TMEM65: variants seen among roughly 807,000 people sequenced by gnomAD.
TMEM65 encodes transmembrane protein 65.
TMEM65 carries 22 observed loss-of-function variants against 25.4 expected under a neutral mutation model. The observed-to-expected ratio is 0.86, with a 90% CI of 0.62 to 1.23. TMEM65 has a LOEUF of 1.23. Among genes scored for constraint, TMEM65 ranks in the 50% most tolerant of loss-of-function variants. The probability of loss-of-function intolerance (pLI) is 0.00; values close to 1 mark genes in which losing one functional copy is unlikely to be tolerated. For synonymous variants in TMEM65, 132 were observed against 126.2 expected (o/e 1.05, Z -0.31); for missense variants, 262 against 308.2 (o/e 0.85, Z 1.12).
intron 5 of TMEM65, among the ~76,000 whole-genome samples, chr8:124,320,713 C>T (rs1208898131): frequency 1.3e-5 from 2 of 152,078 alleles, no homozygotes; most frequent in East Asian, 3.9e-4. Flanking sequence ...TTCTAAGTTG[C>T]CATCATTTAT....
At chr8:124,320,973 G>A (rs1319676830) in intron 5 of TMEM65, among the ~76,000 whole-genome samples, 1 of 151,992 alleles carries the variant, frequency 6.6e-6, no homozygotes, top group Non-Finnish European at 1.5e-5. Flanking sequence ...GCAATATATA[G>A]CTAAATGGCT....
At chr8:124,333,165 T>G (rs1045824126) in intron 1 of TMEM65, among the ~76,000 whole-genome samples, 1 of 145,642 alleles carries the variant, frequency 6.9e-6, no homozygotes, top group Non-Finnish European at 1.5e-5. Flanking sequence ...AAAACATACA[T>G]CAGAAGTAAA....
At chr8:124,351,886 T>C (rs529364853) in intron 1 of TMEM65, among the ~76,000 whole-genome samples, 2 of 152,368 alleles carry the variant, frequency 1.3e-5, no homozygotes, top group South Asian at 4.1e-4. Context: ...CTTCCCAGAA[T>C]TTCACTTCAG....
At chr8:124,363,933 A>G (rs1310317021) in intron 1 of TMEM65, among the ~76,000 whole-genome samples, 4 of 150,852 alleles carry the variant, frequency 2.7e-5, no homozygotes, top group African/African-American at 4.9e-5. Context: ...GAGCAATTCT[A>G]TTATCTAGTA....
In TMEM65 at chr8:124,327,397, A is replaced by T. The variant is rs1814377755; in HGVS notation, c.374T>A (p.Phe125Tyr). Residue 125 changes from phenylalanine to tyrosine, a missense_variant, in exon 3 of 7, where the codon TTC (phenylalanine) becomes TAC (tyrosine). Transcript: ENST00000297632. The part of the protein sequence containing the change: ...RYVFIHNAIP[F>Y]IGFGFLDNAI... ...ATTATCCAAAAAGCCAAACCCTATG[A>T]AAGGTATCGCATTGTGGATGAATAC... is the stretch of plus-strand genomic sequence containing the variant. 1.2e-6 allele frequency: 2 copies of T among 1,602,070 alleles called. No homozygotes were observed. The highest frequency in any genetic ancestry group is 1.7e-6 in the Non-Finnish European group (2 of 1,174,940).
chr8:124,338,326 G>C (rs1477392747), intron 1 of TMEM65, among the ~76,000 whole-genome samples: 1 of 146,648 alleles, frequency 6.8e-6, no homozygotes, highest in African/African-American at 2.4e-5. Flanking sequence ...ATTTTGCACT[G>C]CTCTGAAAAT....
chr8:124,336,782 A>T (rs1172057280), intron 1 of TMEM65, among the ~76,000 whole-genome samples: 1 of 151,938 alleles, frequency 6.6e-6, no homozygotes. Context: ...AGCAAAGTAA[A>T]CATAAACTAA....
rs1260680663 is a variant in TMEM65 at position 124,311,802 on chromosome 8, T to C, written c.*2158A>G. The C allele has an allele frequency of 6.6e-6, 1 of 152,164 alleles. No homozygotes were observed. The highest frequency in any genetic ancestry group is 2.4e-5 in the African/African-American group (1 of 41,442). 9.4% of individuals were successfully genotyped at this position (152,164 alleles called of 1,614,324 possible). A position where few individuals can be genotyped will look rare whatever the true frequency, so the allele number is the denominator to read the frequency against. On this transcript the variant is annotated 3_prime_UTR_variant, in exon 7 of 7. Transcript: ENST00000297632. ...ACAAATGGTCTCCATTTTTTGAAAA[T>C]TACCTGAATGATTCAAATTTTTATT...
chr8:124,339,032 T>C (rs1375579158), intron 1 of TMEM65, among the ~76,000 whole-genome samples: 4 of 150,424 alleles, frequency 2.7e-5, no homozygotes, highest in African/African-American at 9.8e-5. Flanking sequence ...CTACTAAAAA[T>C]ACAAAAATTA....
chr8:124,320,033 G>T, intron 6 of TMEM65, 53 bp downstream of exon 6: 1 of 1,447,176 alleles, frequency 6.9e-7, no homozygotes, highest in Non-Finnish European at 9.6e-7. Context: ...GAACTATACA[G>T]AATCTTGCTC....
chr8:124,351,481 G>GA (rs561263327), intron 1 of TMEM65, among the ~76,000 whole-genome samples: 39 of 152,112 alleles, frequency 2.6e-4, no homozygotes, highest in Middle Eastern at 6.8e-3. Context: ...TGTTTCTTTG[G>GA]AAAAAACTTA....
Position 124,308,671 on chromosome 8 carries a change from C to G in TMEM65, c.*5289G>C, listed in dbSNP as rs1814122627. The G allele has an allele frequency of 6.6e-6, 1 of 152,084 alleles. No individual in the cohort carries two copies. The highest frequency in any genetic ancestry group is 2.4e-5 in the African/African-American group (1 of 41,412). The allele number at this position is 152,084 out of a possible 1,614,324, so 9.4% of individuals were successfully genotyped here. On this transcript the variant is annotated 3_prime_UTR_variant, in exon 7 of 7. Transcript: ENST00000297632. The stretch of plus-strand genomic sequence containing the variant: ...AAAGCTAAGCAATTCAAAAGCTTAG[C>G]TTTTGGAGATGAGTGCCTCTGAATC...
chr8:124,319,163 CCTAT>C (rs1271759828), intron 6 of TMEM65, among the ~76,000 whole-genome samples: 1 of 152,092 alleles, frequency 6.6e-6, no homozygotes, highest in African/African-American at 2.4e-5. Flanking sequence ...CTAACTCTGA[CCTAT>C]CTAACTCTTG....
chr8:124,313,087 CCT>C lies in TMEM65; in HGVS notation c.*871_*872del. On this transcript the variant is annotated 3_prime_UTR_variant, in exon 7 of 7. Coordinates refer to ENST00000297632, the MANE Select transcript of TMEM65 (RefSeq NM_194291.3). ...CCTTCTTGACAGTTCCTATTTTCCA[CCT>C]TTTTTTAAAAAAAGCTTTAGTCTCT... The C allele has an allele frequency of 6.6e-6, 1 of 151,906 alleles. No homozygotes were observed. The highest frequency in any genetic ancestry group is 2.1e-4 in the South Asian group (1 of 4,814). The allele number at this position is 151,906 out of a possible 1,614,324, so 9.4% of individuals were successfully genotyped here.
chr8:124,329,771 A>G (rs1196516087), intron 2 of TMEM65, among the ~76,000 whole-genome samples: 10 of 152,108 alleles, frequency 6.6e-5, no homozygotes, highest in Admixed American at 3.9e-4. Flanking sequence ...GGGTTTAGGT[A>G]TGATAACACA....
chr8:124,327,820 T>C (rs932683366), intron 2 of TMEM65, among the ~76,000 whole-genome samples: 1 of 152,158 alleles, frequency 6.6e-6, no homozygotes, highest in African/African-American at 2.4e-5. Flanking sequence ...TCTGATATTA[T>C]AAAATCGATT....
intron 1 of TMEM65, among the ~76,000 whole-genome samples, chr8:124,349,905 T>A (rs1248550557): frequency 6.6e-6 from 1 of 152,144 alleles, no homozygotes; most frequent in African/African-American, 2.4e-5. Context: ...AATTTGAATT[T>A]TATTTGAATA....
chr8:124,362,040 G>A (rs567573175), intron 1 of TMEM65, among the ~76,000 whole-genome samples: 32 of 151,494 alleles, frequency 2.1e-4, no homozygotes, highest in South Asian at 1.9e-3. Context: ...ACAGGCACCC[G>A]TCACCACGCT....
At chr8:124,319,137 A>G (rs1005008135) in intron 6 of TMEM65, among the ~76,000 whole-genome samples, 2 of 152,178 alleles carry the variant, frequency 1.3e-5, no homozygotes, top group African/African-American at 4.8e-5. Flanking sequence ...TGAAGGAGTG[A>G]CAATACCCAT....
Sources: gnomAD v4.1 joint callset for allele counts (sites outside exome capture counted in the v4.1 genomes callset) on GRCh38, gnomAD v4.1.1 for gene constraint, MANE v1.5 for transcripts, NCBI Gene and HGNC (gene_info 2026-07-23, HGNC 2026-07-21) for gene names.